The following PCDH7 variants were observed in gnomAD, a reference collection of about 807,000 sequenced individuals.
PCDH7 encodes protocadherin-7.
A neutral mutation model predicts 58.9 loss-of-function variants in PCDH7; 17 were observed. The ratio of observed to expected loss-of-function variants is 0.29; its 90% confidence interval spans 0.20 to 0.43. PCDH7 has a LOEUF of 0.43. PCDH7 is among the 20% of genes least tolerant of loss of function. The pLI, the probability that PCDH7 is intolerant of heterozygous loss-of-function variation, is 1.00. For missense variants in PCDH7, 1,274 were observed against 1,441.0 expected, an observed-to-expected ratio of 0.88 and a Z score of 1.88; for synonymous variants, 664 against 616.4, an observed-to-expected ratio of 1.08 and a Z score of -1.14.
At chr4:30,830,805 C>T (rs1729675333) in intron 1 of PCDH7, among the ~76,000 whole-genome samples, 1 of 152,028 alleles carries the variant, frequency 6.6e-6, no homozygotes. Context: ...TCTCATTATT[C>T]CAAAAGTTTT....
chr4:30,801,293 T>C (rs1243440191), intron 1 of PCDH7, among the ~76,000 whole-genome samples: 1 of 152,202 alleles, frequency 6.6e-6, no homozygotes, highest in Admixed American at 6.5e-5. Flanking sequence ...AATTAAACAA[T>C]TTATTTACAC....
At chr4:30,816,089 T>C (rs934323547) in intron 1 of PCDH7, among the ~76,000 whole-genome samples, 3 of 152,216 alleles carry the variant, frequency 2.0e-5, no homozygotes, top group African/African-American at 7.2e-5. Flanking sequence ...TTCCATTATT[T>C]TATAGATACA....
chr4:31,101,182 A>C (rs1714848117), intron 3 of PCDH7, among the ~76,000 whole-genome samples: 2 of 152,160 alleles, frequency 1.3e-5, no homozygotes, highest in African/African-American at 2.4e-5. Flanking sequence ...GGTTGAAAAA[A>C]TGTTAAGTCA....
chr4:30,883,759 T>C (rs13112641), intron 1 of PCDH7, among the ~76,000 whole-genome samples: 12,590 of 152,236 alleles, frequency 0.083, 759 homozygotes, highest in East Asian at 0.26. Flanking sequence ...ACTGATGTAA[T>C]GGAAAAGTAA....
intron 1 of PCDH7, among the ~76,000 whole-genome samples, chr4:30,854,024 C>T (rs2109348788): frequency 6.6e-6 from 1 of 151,986 alleles, no homozygotes; most frequent in East Asian, 1.9e-4. Context: ...GAATCGGAAA[C>T]ATTCTGTTCC....
At chr4:31,119,580 G>C (rs908190090) in intron 3 of PCDH7, among the ~76,000 whole-genome samples, 2 of 152,076 alleles carry the variant, frequency 1.3e-5, no homozygotes, top group African/African-American at 4.8e-5. Context: ...AGGAAGAAAA[G>C]TATACTTGAA....
At chr4:30,962,105 A>C (rs565284865) in intron 3 of PCDH7, among the ~76,000 whole-genome samples, 1 of 152,332 alleles carries the variant, frequency 6.6e-6, no homozygotes, top group Non-Finnish European at 1.5e-5. Context: ...GCAAAAGTGC[A>C]TTTATTTATG....
chr4:30,762,851 T>A (rs1000626342), intron 1 of PCDH7, among the ~76,000 whole-genome samples: 3 of 152,214 alleles, frequency 2.0e-5, no homozygotes, highest in African/African-American at 7.2e-5. Context: ...TATTTATCTG[T>A]CATTAGAATG....
chr4:30,927,027 A>G (rs1743957160), intron 2 of PCDH7, among the ~76,000 whole-genome samples: 1 of 152,110 alleles, frequency 6.6e-6, no homozygotes, highest in Admixed American at 6.6e-5. Context: ...TTTAAACTAG[A>G]TCACTTTGCT....
downstream of PCDH7, chr4:31,146,525 C>T (rs1268042118): frequency 6.6e-6 from 1 of 152,064 alleles, no homozygotes; most frequent in Non-Finnish European, 1.5e-5. Flanking sequence ...GTTTAAAGCA[C>T]TTGCGTTCAG....
chr4:31,098,613 A>G (rs1254876754), intron 3 of PCDH7, among the ~76,000 whole-genome samples: 1 of 152,192 alleles, frequency 6.6e-6, no homozygotes, highest in Non-Finnish European at 1.5e-5. Flanking sequence ...TGATTATTGC[A>G]AAGTTTTGTA....
intron 2 of PCDH7, among the ~76,000 whole-genome samples, chr4:30,944,880 A>T (rs1746482833): frequency 6.6e-6 from 1 of 152,176 alleles, no homozygotes; most frequent in Non-Finnish European, 1.5e-5. Context: ...ATAGTGGGTT[A>T]TGCTATTGTG....
chr4:30,985,371 T>C (rs1471384871), intron 3 of PCDH7, among the ~76,000 whole-genome samples: 1 of 152,326 alleles, frequency 6.6e-6, no homozygotes, highest in East Asian at 1.9e-4. Context: ...TATAGACTAT[T>C]ACCTTCATTT....
intron 1 of PCDH7, among the ~76,000 whole-genome samples, chr4:30,853,490 C>G (rs1430192583): frequency 6.6e-6 from 1 of 152,038 alleles, no homozygotes; most frequent in East Asian, 1.9e-4. Flanking sequence ...ATAAGTTGAG[C>G]CAGAAGCTAG....
chr4:31,008,315 GA>G (rs1030646926), intron 3 of PCDH7, among the ~76,000 whole-genome samples: 1 of 152,062 alleles, frequency 6.6e-6, no homozygotes, highest in Non-Finnish European at 1.5e-5. Context: ...AGCTTTTGGG[GA>G]AAAATATACT....
At chr4:30,952,307 A>T (rs899051636) in intron 3 of PCDH7, among the ~76,000 whole-genome samples, 3 of 152,042 alleles carry the variant, frequency 2.0e-5, no homozygotes, top group Non-Finnish European at 4.4e-5. Context: ...ATTTAACCAA[A>T]TTTTTTTAAA....
chr4:30,815,075 C>T (rs897524376), intron 1 of PCDH7, among the ~76,000 whole-genome samples: 5 of 151,680 alleles, frequency 3.3e-5, no homozygotes, highest in Admixed American at 6.6e-5. Context: ...AGTTATACAA[C>T]GGATATTATA....
At chr4:30,793,276 A>G (rs1283081126) in intron 1 of PCDH7, among the ~76,000 whole-genome samples, 4 of 152,190 alleles carry the variant, frequency 2.6e-5, no homozygotes, top group Non-Finnish European at 5.9e-5. Context: ...CTAGGAAGAA[A>G]TACAATATGT....
chr4:30,963,297 C>A lies in PCDH7; in HGVS notation c.*7+13082C>A, dbSNP rs552527229. Among the ~76,000 whole-genome samples, 4 of 152,228 alleles carry A rather than the reference C, an allele frequency of 2.6e-5. No homozygotes were observed. The East Asian group carries it at 7.7e-4, about 29-fold the overall frequency. ...TTGGAGATTTTATAGTTCTTCCTAC[C>A]TTTGGTAAGTTGTCTTCCTGAATTA... On this transcript the variant is annotated intron_variant, in intron 3 of 3. Coordinates refer to the PCDH7 transcript ENST00000509759.
Sources: gnomAD v4.1 joint callset for allele counts (sites outside exome capture counted in the v4.1 genomes callset) on GRCh38, gnomAD v4.1.1 for gene constraint, MANE v1.5 for transcripts, NCBI Gene and HGNC (gene_info 2026-07-23, HGNC 2026-07-21) for gene names.